CDC42BPA: variants seen among roughly 807,000 people sequenced by gnomAD.
CDC42BPA encodes the protein serine/threonine-protein kinase MRCK alpha.
A neutral mutation model predicts 223.5 loss-of-function variants in CDC42BPA; 80 were observed. The ratio of observed to expected loss-of-function variants is 0.36; its 90% CI spans 0.30 to 0.43. The LOEUF (loss-of-function observed/expected upper bound fraction) is 0.43, where lower values mean the gene tolerates loss of function less well. CDC42BPA is among the 20% of genes least tolerant of loss of function. The pLI is 1.00. For missense variants in CDC42BPA, 1,743 were observed against 2,099.9 expected (o/e 0.83, Z 3.32); for synonymous variants, 694 against 718.6 (o/e 0.97, Z 0.55).
chr1:227,034,647 A>G lies in CDC42BPA; in HGVS notation c.3476+8T>C. On this transcript the variant is annotated splice_region_variant and intron_variant, in intron 26 of 36. Transcript: ENST00000366766. The stretch of plus-strand genomic sequence containing the variant: ...ATGATACAAATAATTTTACCTTCAA[A>G]CTCTTACCTCATGTCAATCACTTGA... 1 of 1,583,642 alleles carries G rather than the reference A, an allele frequency of 6.3e-7. No homozygotes were observed. Among genetic ancestry groups the G allele is most frequent in the Non-Finnish European group, 8.6e-7 (1 of 1,164,602 alleles).
intron 16 of CDC42BPA, among the ~76,000 whole-genome samples, chr1:227,081,423 A>G (rs984814154): frequency 6.6e-6 from 1 of 151,776 alleles, no homozygotes; most frequent in African/African-American, 2.4e-5. Flanking sequence ...TTCAACATCA[A>G]TCTTGTTTCA....
At position 227,119,914 on chromosome 1, in the gene CDC42BPA, G is replaced by C; in HGVS notation, c.1537C>G (p.Leu513Val). The change falls in exon 12 of 37, where the codon CTT (leucine) becomes GTT (valine). Residue 513 changes from leucine (L) to valine (V), a missense_variant. Leu to Val is a conservative substitution (Grantham distance 32, BLOSUM62 1). Transcript: ENST00000366766. ...VTESSHLEQQ[L>V]EEANAVRQEL... is the part of the protein sequence containing the mutation. Reference sequence around the variant, plus strand: ...TGCCTCACAGCATTAGCTTCTTCAAGTTGCTGTTCCAAATGACTTGATTCT... The same window carrying C: ...TGCCTCACAGCATTAGCTTCTTCAACTTGCTGTTCCAAATGACTTGATTCT... The C allele has an allele frequency of 6.3e-7, 1 of 1,592,992 alleles. No homozygotes were observed. The highest frequency in any genetic ancestry group is 8.5e-7 in the Non-Finnish European group (1 of 1,171,368).
At chr1:227,108,462 T>C (rs1483691519) in intron 14 of CDC42BPA, among the ~76,000 whole-genome samples, 1 of 152,122 alleles carries the variant, frequency 6.6e-6, no homozygotes, top group African/African-American at 2.4e-5. Context: ...TGGTTGGAGA[T>C]GATACCTCAT....
At chr1:227,261,398 G>A (rs1684046720) in intron 1 of CDC42BPA, among the ~76,000 whole-genome samples, 1 of 150,796 alleles carries the variant, frequency 6.6e-6, no homozygotes, top group Non-Finnish European at 1.5e-5. Context: ...TTACAGGCCT[G>A]AGCCACTGCA....
At chr1:227,202,372 T>C (rs910823748) in intron 3 of CDC42BPA, among the ~76,000 whole-genome samples, 1 of 152,192 alleles carries the variant, frequency 6.6e-6, no homozygotes, top group African/African-American at 2.4e-5. Context: ...GAGGTTATGG[T>C]TTACTGCTAA....
chr1:227,306,691 A>G (rs1692614443), intron 1 of CDC42BPA, among the ~76,000 whole-genome samples: 1 of 152,230 alleles, frequency 6.6e-6, no homozygotes. Flanking sequence ...ACCCGAACTT[A>G]GTCTGTTGTT....
chr1:226,998,923 T>C (rs1022296820), intron 35 of CDC42BPA, among the ~76,000 whole-genome samples: 5 of 151,966 alleles, frequency 3.3e-5, no homozygotes, highest in Non-Finnish European at 1.5e-5. Flanking sequence ...ATCCAGAATC[T>C]ACAAGGAACT....
chr1:227,246,467 G>T (rs1160309526), intron 2 of CDC42BPA, among the ~76,000 whole-genome samples: 1 of 152,172 alleles, frequency 6.6e-6, no homozygotes. Flanking sequence ...CCCAGTGATG[G>T]TGGCCACAGG....
At chr1:227,043,827 C>T (rs1297457201) in intron 23 of CDC42BPA, among the ~76,000 whole-genome samples, 1 of 152,138 alleles carries the variant, frequency 6.6e-6, no homozygotes, top group African/African-American at 2.4e-5. Context: ...ACATCTTCAT[C>T]ATGTTGCCTA....
intron 23 of CDC42BPA, among the ~76,000 whole-genome samples, chr1:227,045,909 T>C (rs1303771457): frequency 1.3e-5 from 2 of 152,090 alleles, no homozygotes; most frequent in African/African-American, 4.8e-5. Flanking sequence ...CAGGCTCAAG[T>C]GATCCTCCCT....
Position 227,243,772 on chromosome 1 carries a change from A to G in CDC42BPA, c.270+10292T>C, listed in dbSNP as rs865991870. 2.4e-3 allele frequency among the ~76,000 whole-genome samples: 350 copies of G among 143,134 alleles called. 4 individuals carry two copies. Among genetic ancestry groups the G allele is most frequent in the African/African-American group, 9.2e-3 (308 of 33,498 alleles). 93.9% of individuals were successfully genotyped at this position (143,134 alleles called of 152,430 possible). A position where few individuals can be genotyped will look rare whatever the true frequency, so the allele number is the denominator to read the frequency against. On this transcript the variant is annotated intron_variant, in intron 2 of 36. Coordinates refer to ENST00000366766, the MANE Select transcript of CDC42BPA (RefSeq NM_001394014.1). Reference sequence around the variant, plus strand: ...AAAGATTTGTCACACACACACACACACACACACACACACACACACACGTGT... The same window carrying G: ...AAAGATTTGTCACACACACACACACGCACACACACACACACACACACGTGT...
chr1:227,040,691 C>G (rs915304958), intron 23 of CDC42BPA, among the ~76,000 whole-genome samples: 19 of 152,238 alleles, frequency 1.2e-4, no homozygotes, highest in Non-Finnish European at 2.4e-4. Flanking sequence ...ATGCATTTCT[C>G]TTTCTGGGAC....
intron 16 of CDC42BPA, among the ~76,000 whole-genome samples, chr1:227,088,573 T>C (rs1428353752): frequency 2.0e-5 from 3 of 152,208 alleles, no homozygotes; most frequent in Admixed American, 1.3e-4. Context: ...CCACATTTTT[T>C]GAAAATATTT....
intron 1 of CDC42BPA, among the ~76,000 whole-genome samples, chr1:227,300,002 CT>C (rs904738070): frequency 2.0e-5 from 3 of 152,150 alleles, no homozygotes; most frequent in Non-Finnish European, 4.4e-5. Context: ...CAGCAATCCC[CT>C]GAAACAAACT....
chr1:227,297,569 T>C (rs1690862032), intron 1 of CDC42BPA, among the ~76,000 whole-genome samples: 1 of 152,116 alleles, frequency 6.6e-6, no homozygotes, highest in Admixed American at 6.5e-5. Flanking sequence ...ATAAACAGAA[T>C]GTGGTATAGC....
Position 227,065,636 on chromosome 1 carries a change from G to A in CDC42BPA, c.2904+4141C>T, listed in dbSNP as rs187111003. Among the ~76,000 whole-genome samples, 10 of 152,284 alleles carry A rather than the reference G, an allele frequency of 6.6e-5. No individual in the cohort carries two copies. The East Asian group carries it at 1.2e-3, about 18-fold the overall frequency. The stretch of plus-strand genomic sequence containing the variant: ...CAAAACATGTGGAGGAAAAAATAGG[G>A]ATGGGAACATTTTAACTTAAAACCG... On this transcript the variant is annotated intron_variant, in intron 21 of 36. Transcript: ENST00000366766.
rs1669981592 is a variant in CDC42BPA at position 227,193,062 on chromosome 1, AC to A, written c.599+723del. Reference sequence around the variant, plus strand: ...CTAGAAATGCTGACTGGAAGTGAGAACTTTTTTTTTTTTTTTTTTTTTTGGA... The same window carrying A: ...CTAGAAATGCTGACTGGAAGTGAGAATTTTTTTTTTTTTTTTTTTTTTGGA... On this transcript the variant is annotated intron_variant, in intron 5 of 36. Coordinates refer to ENST00000366766, the MANE Select transcript of CDC42BPA (RefSeq NM_001394014.1). Among the ~76,000 whole-genome samples the A allele has an allele frequency of 4.5e-5, 6 of 134,178 alleles. 1 individual carries two copies. The highest frequency in any genetic ancestry group is 1.8e-4 in the African/African-American group (6 of 33,760). 88.0% of individuals were successfully genotyped at this position (134,178 alleles called of 152,430 possible).
At chr1:227,201,798 T>C (rs994996809) in intron 3 of CDC42BPA, among the ~76,000 whole-genome samples, 1 of 150,250 alleles carries the variant, frequency 6.7e-6, no homozygotes, top group South Asian at 2.1e-4. Flanking sequence ...CAAGTAACAA[T>C]GAATTTGAAC....
intron 1 of CDC42BPA, among the ~76,000 whole-genome samples, chr1:227,268,663 T>TAC (rs1685455236): frequency 6.8e-6 from 1 of 146,396 alleles, no homozygotes; most frequent in African/African-American, 2.6e-5. Flanking sequence ...TATATATATA[T>TAC]ATACATATAT....
Sources: gnomAD v4.1 joint callset for allele counts (sites outside exome capture counted in the v4.1 genomes callset) on GRCh38, gnomAD v4.1.1 for gene constraint, MANE v1.5 for transcripts, NCBI Gene and HGNC (gene_info 2026-07-23, HGNC 2026-07-21) for gene names.